The following ZNF609 variants were observed in gnomAD, a reference collection of about 807,000 sequenced individuals.
The protein encoded by ZNF609 is zinc finger protein 609.
ZNF609 carries 11 observed loss-of-function variants against 109.5 expected under a neutral mutation model. The observed-to-expected ratio is 0.10, with a 90% CI of 0.06 to 0.17. The LOEUF (loss-of-function observed/expected upper bound fraction) is 0.17, where lower values mean the gene tolerates loss of function less well. Among genes scored for constraint, ZNF609 ranks in the 10% least tolerant of loss-of-function variants. The probability of loss-of-function intolerance (pLI) is 1.00; values close to 1 mark genes in which losing one functional copy is unlikely to be tolerated. For synonymous variants in ZNF609, 646 were observed against 662.0 expected, an observed-to-expected ratio of 0.98 and a Z score of 0.37; for missense variants, 1,559 against 1,772.4, an observed-to-expected ratio of 0.88 and a Z score of 2.16.
chr15:64,498,249 C>G (rs1893511608), intron 1 of ZNF609, among the ~76,000 whole-genome samples: 2 of 152,206 alleles, frequency 1.3e-5, no homozygotes, highest in South Asian at 4.1e-4. Context: ...GGGGTTTCAC[C>G]ACATTGGCCA....
At chr15:64,587,147 ATTAGT>A (rs1409465075) in intron 2 of ZNF609, among the ~76,000 whole-genome samples, 2 of 152,234 alleles carry the variant, frequency 1.3e-5, no homozygotes, top group African/African-American at 4.8e-5. Context: ...AACTAAAATA[ATTAGT>A]TTATCTGTTT....
intron 2 of ZNF609, among the ~76,000 whole-genome samples, chr15:64,599,107 G>A (rs997735121): frequency 2.1e-5 from 3 of 144,436 alleles, no homozygotes; most frequent in African/African-American, 7.7e-5. Flanking sequence ...GTACTTCCAG[G>A]CTTCTCTTTC....
chr15:64,517,187 T>C (rs538935198), intron 2 of ZNF609, among the ~76,000 whole-genome samples: 2 of 152,156 alleles, frequency 1.3e-5, no homozygotes, highest in African/African-American at 4.8e-5. Flanking sequence ...ACCAGCCTGG[T>C]CAACATGGTG....
chr15:64,499,874 G>A lies in ZNF609; in HGVS notation c.455G>A (p.Ser152Asn), dbSNP rs1049227916. 9 of 1,613,936 alleles carry A rather than the reference G, an allele frequency of 5.6e-6. No homozygotes were observed. The highest frequency in any genetic ancestry group is 5.1e-6 in the Non-Finnish European group (6 of 1,180,014). Residue 152 changes from serine to asparagine, a missense_variant, in exon 2 of 10, where the codon AGT becomes AAT. Transcript: ENST00000326648. ...GSEKAAKASRSVAGSKKEKEN... is the reference protein window; with the variant it reads ...GSEKAAKASRNVAGSKKEKEN... ...GAGAAGGCGGCTAAGGCATCCCGCA[G>A]TGTAGCCGGTTCCAAAAAGGAGAAG... is the stretch of plus-strand genomic sequence containing the variant.
chr15:64,477,025 G>A (rs1031986922), intron 1 of ZNF609, among the ~76,000 whole-genome samples: 5 of 151,748 alleles, frequency 3.3e-5, no homozygotes, highest in Non-Finnish European at 7.4e-5. Flanking sequence ...GGAAGTCTCA[G>A]TACCTAATTT....
intron 2 of ZNF609, among the ~76,000 whole-genome samples, chr15:64,570,516 T>C (rs192123502): frequency 6.6e-6 from 1 of 152,108 alleles, no homozygotes; most frequent in East Asian, 1.9e-4. Context: ...AGTAGATGAG[T>C]CTGGAAAGTG....
intron 2 of ZNF609, among the ~76,000 whole-genome samples, chr15:64,606,294 G>A (rs974964940): frequency 1.4e-4 from 21 of 151,384 alleles, no homozygotes; most frequent in Admixed American, 2.6e-4. Flanking sequence ...TCTGTAGGCC[G>A]GGCGCGGTGG....
At chr15:64,600,406 C>T (rs1269603993) in intron 2 of ZNF609, among the ~76,000 whole-genome samples, 3 of 143,006 alleles carry the variant, frequency 2.1e-5, no homozygotes, top group Non-Finnish European at 4.5e-5. Context: ...GCAGAGAATG[C>T]GCCACTGCAC....
chr15:64,578,332 T>C (rs1028445243), intron 2 of ZNF609, among the ~76,000 whole-genome samples: 6 of 152,100 alleles, frequency 3.9e-5, no homozygotes, highest in African/African-American at 9.7e-5. Flanking sequence ...AGTTATCTTA[T>C]AGATTTTGGA....
intron 3 of ZNF609, among the ~76,000 whole-genome samples, chr15:64,646,655 A>C (rs1054410995): frequency 4.3e-5 from 6 of 139,510 alleles, no homozygotes; most frequent in African/African-American, 1.6e-4. Flanking sequence ...AAAAAAAAAA[A>C]AAACTGGGCA....
chr15:64,557,449 T>G (rs1894607915), intron 2 of ZNF609, among the ~76,000 whole-genome samples: 1 of 152,108 alleles, frequency 6.6e-6, no homozygotes, highest in Admixed American at 6.6e-5. Flanking sequence ...ACTGAAATAT[T>G]TAGTCCAAAT....
chr15:64,576,982 G>GTATATATACATA, intron 2 of ZNF609, among the ~76,000 whole-genome samples: 1 of 122,448 alleles, frequency 8.2e-6, no homozygotes, highest in East Asian at 2.2e-4. Flanking sequence ...ATATATATAT[G>GTATATATACATA]TATGTATACA....
chr15:64,517,299 C>G lies in ZNF609; in HGVS notation c.747+17133C>G, dbSNP rs370237146. Among the ~76,000 whole-genome samples the G allele has an allele frequency of 1.4e-4, 22 of 152,216 alleles. No homozygotes were observed. The South Asian group carries it at 3.5e-3, about 24-fold the overall frequency. On this transcript the variant is annotated intron_variant, in intron 2 of 9. Transcript: ENST00000326648. ...AGCTGAGGCAGGAGAATCACTTGAACCCGGGAAGTGGAGGCTGCAGTGAGC... is the reference window on the plus strand; with the variant it reads ...AGCTGAGGCAGGAGAATCACTTGAAGCCGGGAAGTGGAGGCTGCAGTGAGC...
chr15:64,582,373 A>C (rs1335758218), intron 2 of ZNF609, among the ~76,000 whole-genome samples: 1 of 152,104 alleles, frequency 6.6e-6, no homozygotes, highest in African/African-American at 2.4e-5. Flanking sequence ...CAAGCATGCT[A>C]TTCTTCCATC....
At chr15:64,628,372 A>C (rs1193683060) in intron 3 of ZNF609, among the ~76,000 whole-genome samples, 1 of 151,356 alleles carries the variant, frequency 6.6e-6, no homozygotes, top group East Asian at 2.0e-4. Context: ...AAAACGAACA[A>C]GTGGACGGGC....
At chr15:64,481,326 T>C (rs1466582976) in intron 1 of ZNF609, among the ~76,000 whole-genome samples, 3 of 149,928 alleles carry the variant, frequency 2.0e-5, no homozygotes, top group South Asian at 2.1e-4. Flanking sequence ...TTTCTTTTTT[T>C]TTTTTTTTTT....
rs1390410869 is a variant in ZNF609, at chr15:64,674,701, T to C, written c.1847T>C (p.Met616Thr). The C allele has an allele frequency of 5.0e-6, 8 of 1,614,124 alleles. No individual in the cohort carries two copies. The highest frequency in any genetic ancestry group is 6.8e-6 in the Non-Finnish European group (8 of 1,180,036). The change falls in exon 5 of 10, where the codon ATG (methionine) becomes ACG (threonine). Residue 616 changes from methionine (M) to threonine (T), a missense_variant. Physicochemically the swap from Met to Thr is moderately conservative, Grantham distance 81. Transcript: ENST00000326648. Reference protein sequence around the residue: ...NDGSDDGPSVMDETSNDAFDS... With the variant: ...NDGSDDGPSVTDETSNDAFDS... ...GGCTCTGATGATGGACCCTCAGTGA[T>C]GGATGAAACAAGCAATGATGCCTTT...
chr15:64,653,705 C>T (rs1163799138), intron 3 of ZNF609, among the ~76,000 whole-genome samples: 5 of 152,030 alleles, frequency 3.3e-5, no homozygotes, highest in African/African-American at 1.2e-4. Flanking sequence ...TTTATTCAAC[C>T]CCACTCCCCC....
chr15:64,490,678 T>C (rs1302827902), intron 1 of ZNF609, among the ~76,000 whole-genome samples: 1 of 152,204 alleles, frequency 6.6e-6, no homozygotes, highest in Non-Finnish European at 1.5e-5. Context: ...GTGGATCACT[T>C]TCACCAAATG....
Sources: allele counts gnomAD v4.1 joint callset (sites outside exome capture counted in the v4.1 genomes callset), GRCh38; gene constraint gnomAD v4.1.1; transcripts MANE v1.5; gene names NCBI Gene and HGNC (gene_info 2026-07-23, HGNC 2026-07-21).